Variants in CA10 observed in about 807,000 individuals in gnomAD.
CA10 encodes the protein carbonic anhydrase-related protein 10.
CA10 carries 14 observed loss-of-function variants against 44.2 expected under a neutral mutation model. The ratio of observed to expected loss-of-function variants is 0.32; its 90% CI spans 0.21 to 0.50. The LOEUF (loss-of-function observed/expected upper bound fraction) is 0.50. CA10 is among the 20% of genes least tolerant of loss of function. The probability of loss-of-function intolerance (pLI) is 0.99; values close to 1 mark genes in which losing one functional copy is unlikely to be tolerated. For missense variants in CA10, 350 were observed against 409.7 expected (o/e 0.85, Z 1.26); for synonymous variants, 159 against 141.6 (o/e 1.12, Z -0.87).
chr17:51,806,467 TG>T (rs1188595058), intron 3 of CA10, among the ~76,000 whole-genome samples: 2 of 152,172 alleles, frequency 1.3e-5, no homozygotes. Context: ...GTGGATTGCA[TG>T]GGGAAAAACA....
chr17:52,086,163 A>G (rs1049557943), intron 1 of CA10, among the ~76,000 whole-genome samples: 7 of 152,222 alleles, frequency 4.6e-5, no homozygotes, highest in African/African-American at 1.7e-4. Flanking sequence ...TCTTTAATAT[A>G]TTCTAGGCTA....
intron 2 of CA10, among the ~76,000 whole-genome samples, chr17:52,000,705 A>G (rs1469081431): frequency 5.3e-5 from 8 of 152,078 alleles, no homozygotes; most frequent in Admixed American, 5.2e-4. Flanking sequence ...TATGGAACAT[A>G]TAAGCATGTG....
chr17:52,086,307 T>C (rs1988115809), intron 1 of CA10, among the ~76,000 whole-genome samples: 1 of 152,196 alleles, frequency 6.6e-6, no homozygotes, highest in East Asian at 1.9e-4. Flanking sequence ...TCCAAACTGG[T>C]TTTCCTGATT....
At chr17:51,810,998 C>A (rs1210606686) in intron 3 of CA10, among the ~76,000 whole-genome samples, 1 of 152,178 alleles carries the variant, frequency 6.6e-6, no homozygotes, top group Admixed American at 6.5e-5. Flanking sequence ...GAGTTTGAGA[C>A]CAGCCTGGCC....
chr17:51,804,082 T>A (rs1212166054), intron 3 of CA10, among the ~76,000 whole-genome samples: 1 of 152,232 alleles, frequency 6.6e-6, no homozygotes, highest in Non-Finnish European at 1.5e-5. Context: ...TAATAAATTA[T>A]TTATTATACA....
rs763207314 is a variant in CA10, at chr17:52,152,804, C to G, written c.61+4922G>C. On this transcript the variant is annotated intron_variant, in intron 1 of 8. Transcript: ENST00000451037. ...AAAAAATATTTATTCAAGAATCACT[C>G]TCTGAAGTTTCCCTCAGCAATGCTT... is the stretch of plus-strand genomic sequence containing the variant. Among the ~76,000 whole-genome samples the G allele has an allele frequency of 2.0e-5, 3 of 152,132 alleles. No homozygotes were observed. The South Asian group carries it at 6.2e-4, about 31-fold the overall frequency.
At chr17:51,892,437 G>A (rs1483708964) in intron 3 of CA10, among the ~76,000 whole-genome samples, 5 of 152,164 alleles carry the variant, frequency 3.3e-5, no homozygotes, top group Non-Finnish European at 2.9e-5. Flanking sequence ...AGGAAATAAT[G>A]AGAATTCAGA....
chr17:51,641,467 A>G (rs1242582532), intron 6 of CA10, among the ~76,000 whole-genome samples: 3 of 152,184 alleles, frequency 2.0e-5, no homozygotes, highest in Non-Finnish European at 4.4e-5. Flanking sequence ...TTTTTATATG[A>G]GAGTGTTGTA....
At chr17:51,908,092 T>G (rs1981637168) in intron 3 of CA10, among the ~76,000 whole-genome samples, 1 of 152,184 alleles carries the variant, frequency 6.6e-6, no homozygotes, top group African/African-American at 2.4e-5. Context: ...TCAAAGGCAC[T>G]GTGTTCTCTG....
intron 2 of CA10, among the ~76,000 whole-genome samples, chr17:51,997,510 C>G (rs1453582701): frequency 6.6e-6 from 1 of 151,976 alleles, no homozygotes; most frequent in Admixed American, 6.6e-5. Flanking sequence ...TAAATGGTTT[C>G]CAAGAGTTTT....
chr17:51,707,671 ATGTGTG>A (rs3031847), intron 4 of CA10, among the ~76,000 whole-genome samples: 7 of 143,006 alleles, frequency 4.9e-5, no homozygotes, highest in African/African-American at 7.8e-5. Context: ...GTGGATGAAT[ATGTGTG>A]TGTGTGTGTG....
chr17:51,976,973 TTC>T, intron 2 of CA10, among the ~76,000 whole-genome samples: 1 of 152,116 alleles, frequency 6.6e-6, no homozygotes, highest in South Asian at 2.1e-4. Context: ...AACGGGCAGA[TTC>T]CATGAAACAA....
chr17:52,032,336 T>C (rs1232484723), intron 2 of CA10, among the ~76,000 whole-genome samples: 1 of 152,164 alleles, frequency 6.6e-6, no homozygotes, highest in African/African-American at 2.4e-5. Context: ...TGAAGAGCAA[T>C]TCCTTTTATG....
chr17:52,035,280 G>T (rs1361889757), intron 2 of CA10, among the ~76,000 whole-genome samples: 2 of 152,176 alleles, frequency 1.3e-5, no homozygotes, highest in Non-Finnish European at 2.9e-5. Context: ...CAGAGGGATG[G>T]CTTGATGGAG....
At chr17:51,688,089 T>C (rs1012019809) in intron 4 of CA10, among the ~76,000 whole-genome samples, 6 of 152,150 alleles carry the variant, frequency 3.9e-5, no homozygotes, top group Admixed American at 3.9e-4. Context: ...ATGTGAACAC[T>C]CAAGCAGCCC....
intron 2 of CA10, among the ~76,000 whole-genome samples, chr17:52,010,298 A>G (rs1985743751): frequency 2.0e-5 from 3 of 152,072 alleles, no homozygotes; most frequent in African/African-American, 7.2e-5. Flanking sequence ...ATACTTGTGC[A>G]CACATGTTTA....
At chr17:52,142,955 C>T (rs1989513491) in intron 1 of CA10, among the ~76,000 whole-genome samples, 2 of 152,166 alleles carry the variant, frequency 1.3e-5, no homozygotes, top group South Asian at 2.1e-4. Flanking sequence ...CATATTTCTG[C>T]ATTTTAATAG....
At chr17:52,033,319 CATAGGTT>C (rs890943824) in intron 2 of CA10, among the ~76,000 whole-genome samples, 2 of 152,106 alleles carry the variant, frequency 1.3e-5, no homozygotes, top group African/African-American at 2.4e-5. Context: ...CTCATAAAGG[CATAGGTT>C]AATACTCCAT....
At chr17:51,797,726 C>T (rs527764344) in intron 3 of CA10, among the ~76,000 whole-genome samples, 11 of 151,784 alleles carry the variant, frequency 7.2e-5, no homozygotes, top group East Asian at 1.9e-4. Flanking sequence ...TGGTGGCATG[C>T]GCCTGTAATC....
Sources: gnomAD v4.1 joint callset for allele counts (sites outside exome capture counted in the v4.1 genomes callset) on GRCh38, gnomAD v4.1.1 for gene constraint, MANE v1.5 for transcripts, NCBI Gene and HGNC (gene_info 2026-07-23, HGNC 2026-07-21) for gene names.